KIAA1958: variants seen among roughly 807,000 people sequenced by gnomAD.
The protein encoded by KIAA1958 is uncharacterized protein KIAA1958.
In KIAA1958, 14 loss-of-function variants were observed where a neutral mutation model predicts 47.2. The ratio of observed to expected loss-of-function variants is 0.30; its 90% confidence interval spans 0.20 to 0.46. The LOEUF is 0.46. Ranked by LOEUF, KIAA1958 falls within the 20% of genes least tolerant of loss-of-function variation. KIAA1958 has a pLI of 1.00. For missense variants in KIAA1958, 803 were observed against 909.2 expected (o/e 0.88, Z 1.50); for synonymous variants, 354 against 353.3 (o/e 1.00, Z -0.02).
At chr9:112,640,254 C>G (rs1337282108) in intron 2 of KIAA1958, among the ~76,000 whole-genome samples, 1 of 152,212 alleles carries the variant, frequency 6.6e-6, no homozygotes, top group Non-Finnish European at 1.5e-5. Context: ...GTTTCTGTAA[C>G]TCTTACAGTT....
At chr9:112,588,649 CT>C (rs1835869801) in intron 2 of KIAA1958, among the ~76,000 whole-genome samples, 1 of 152,104 alleles carries the variant, frequency 6.6e-6, no homozygotes, top group South Asian at 2.1e-4. Context: ...TTTCCTAAAG[CT>C]TTTGGTAGCC....
At chr9:112,586,126 G>A (rs1835818704) in intron 2 of KIAA1958, among the ~76,000 whole-genome samples, 1 of 152,288 alleles carries the variant, frequency 6.6e-6, no homozygotes, top group Middle Eastern at 3.4e-3. Context: ...ATCAAATTGT[G>A]AATGATTTTG....
chr9:112,605,009 T>C (rs1409711113), intron 2 of KIAA1958, among the ~76,000 whole-genome samples: 1 of 147,684 alleles, frequency 6.8e-6, no homozygotes, highest in African/African-American at 2.4e-5. Context: ...TTTTATATGT[T>C]ATATATTTTA....
intron 2 of KIAA1958, among the ~76,000 whole-genome samples, chr9:112,630,505 A>T (rs1378462299): frequency 6.6e-6 from 1 of 152,222 alleles, no homozygotes; most frequent in Admixed American, 6.5e-5. Context: ...AAAATTTTTT[A>T]AATTATACCA....
chr9:112,565,762 G>A (rs1279585656), intron 1 of KIAA1958, among the ~76,000 whole-genome samples: 1 of 152,066 alleles, frequency 6.6e-6, no homozygotes, highest in Non-Finnish European at 1.5e-5. Context: ...CAACATGGTT[G>A]CCAGGTTGAA....
chr9:112,620,334 T>C (rs1429079486), intron 2 of KIAA1958, among the ~76,000 whole-genome samples: 1 of 152,212 alleles, frequency 6.6e-6, no homozygotes, highest in African/African-American at 2.4e-5. Context: ...TTGGGAAATA[T>C]TTGTTCTTCA....
intron 3 of KIAA1958, among the ~76,000 whole-genome samples, chr9:112,657,741 C>A (rs1837174211): frequency 6.6e-6 from 1 of 152,152 alleles, no homozygotes; most frequent in African/African-American, 2.4e-5. Context: ...GTTTGCCCTT[C>A]ATAGTTCCAT....
At chr9:112,645,021 GCT>G (rs33962412) in intron 2 of KIAA1958, among the ~76,000 whole-genome samples, 75,743 of 151,432 alleles carry the variant, frequency 0.5, 19,822 homozygotes, top group Non-Finnish European at 0.58. Flanking sequence ...TATAATCCCA[GCT>G]ACTTGGGAGG....
Position 112,486,954 on chromosome 9 carries a change from C to A in KIAA1958, c.-189C>A. ...CCCCGCTCCTCGGTCCGCCGCCCGC[C>A]GGGCGCCTTCCCCGCTCCACTTACC... On this transcript the variant is annotated 5_prime_UTR_variant, in exon 1 of 4. Transcript: ENST00000337530. 5.9e-6 allele frequency: 1 copy of A among 168,964 alleles called. No homozygotes were observed. The allele number at this position is 168,964 out of a possible 1,614,324, so 10.5% of individuals were successfully genotyped here. A position where few individuals can be genotyped will look rare whatever the true frequency, so the allele number is the denominator to read the frequency against.
chr9:112,528,353 C>A (rs1386532440), intron 1 of KIAA1958, among the ~76,000 whole-genome samples: 1 of 152,174 alleles, frequency 6.6e-6, no homozygotes, highest in Non-Finnish European at 1.5e-5. Context: ...CCTTTCTTTG[C>A]TCAGGAATCC....
At chr9:112,652,218 T>C (rs1837065631) in intron 3 of KIAA1958, among the ~76,000 whole-genome samples, 1 of 152,218 alleles carries the variant, frequency 6.6e-6, no homozygotes, top group African/African-American at 2.4e-5. Flanking sequence ...ATGACCAGTC[T>C]TTGACTTCTC....
chr9:112,596,927 T>C (rs957731573), intron 2 of KIAA1958, among the ~76,000 whole-genome samples: 5 of 152,226 alleles, frequency 3.3e-5, no homozygotes, highest in Non-Finnish European at 7.3e-5. Flanking sequence ...AATGTAGATA[T>C]GTAAATTGAG....
chr9:112,657,599 C>T (rs183376139), intron 3 of KIAA1958, among the ~76,000 whole-genome samples: 1 of 151,920 alleles, frequency 6.6e-6, no homozygotes, highest in Non-Finnish European at 1.5e-5. Context: ...TTTATTTTTG[C>T]CTTAATTAAG....
intron 2 of KIAA1958, among the ~76,000 whole-genome samples, chr9:112,577,029 TAATA>T (rs925063972): frequency 8.5e-5 from 13 of 152,182 alleles, no homozygotes; most frequent in Admixed American, 7.2e-4. Context: ...TTTAAAAAAA[TAATA>T]AATATCCTAT....
intron 3 of KIAA1958, 90 bp from the exon 4 acceptor site, chr9:112,659,173 T>C (rs1837213598): frequency 9.2e-7 from 1 of 1,088,414 alleles, no homozygotes; most frequent in South Asian, 1.5e-5. Context: ...CAGAATGTCC[T>C]CAACACAGCC....
At chr9:112,591,649 T>C (rs1355815341) in intron 2 of KIAA1958, among the ~76,000 whole-genome samples, 1 of 151,876 alleles carries the variant, frequency 6.6e-6, no homozygotes, top group East Asian at 1.9e-4. Context: ...TCCCAGCACT[T>C]TGGGATTCTG....
chr9:112,637,695 A>G (rs1436778688), intron 2 of KIAA1958, among the ~76,000 whole-genome samples: 1 of 152,034 alleles, frequency 6.6e-6, no homozygotes, highest in Non-Finnish European at 1.5e-5. Flanking sequence ...TTTTTGAAGG[A>G]TGCTTTGCTT....
chr9:112,490,099 A>G (rs1833943314), intron 1 of KIAA1958, among the ~76,000 whole-genome samples: 1 of 152,352 alleles, frequency 6.6e-6, no homozygotes, highest in African/African-American at 2.4e-5. Context: ...GTTTAACAAC[A>G]GCACCAACAC....
chr9:112,537,708 G>A (rs1043709536), intron 1 of KIAA1958, among the ~76,000 whole-genome samples: 3 of 152,222 alleles, frequency 2.0e-5, no homozygotes, highest in African/African-American at 7.2e-5. Context: ...AGGAATTAGT[G>A]TGATAACCAC....
Sources: gnomAD v4.1 joint callset for allele counts (sites outside exome capture counted in the v4.1 genomes callset) on GRCh38, gnomAD v4.1.1 for gene constraint, MANE v1.5 for transcripts, NCBI Gene and HGNC (gene_info 2026-07-23, HGNC 2026-07-21) for gene names.